The following SUZ12 variants were observed in gnomAD, a reference collection of about 807,000 sequenced individuals.
SUZ12 encodes the protein SUZ12 polycomb repressive complex 2 subunit, also known as polycomb protein SUZ12.
In SUZ12, 17 loss-of-function variants were observed where a neutral mutation model predicts 87.3. The ratio of observed to expected loss-of-function variants is 0.19; its 90% CI spans 0.13 to 0.29. SUZ12 has a LOEUF of 0.29. Among genes scored for constraint, SUZ12 ranks in the 10% least tolerant of loss-of-function variants. The pLI is 1.00. For missense variants in SUZ12, 526 were observed against 912.2 expected (o/e 0.58, Z 5.45); for synonymous variants, 253 against 312.4 (o/e 0.81, Z 2.01).
intron 4 of SUZ12, among the ~76,000 whole-genome samples, chr17:31,952,321 A>G (rs1479075063): frequency 1.3e-5 from 2 of 152,116 alleles, no homozygotes; most frequent in African/African-American, 4.8e-5. Flanking sequence ...TGGCTTCCCA[A>G]AGTTCCGGGA....
chr17:31,993,374 A>T, intron 11 of SUZ12, 41 bp downstream of exon 11: 2 of 1,315,886 alleles, frequency 1.5e-6, no homozygotes, highest in Non-Finnish European at 2.1e-6. Flanking sequence ...TATGAAATGT[A>T]TTTGTTTTTT....
intron 8 of SUZ12, among the ~76,000 whole-genome samples, chr17:31,982,128 A>C (rs1324089998): frequency 3.3e-5 from 5 of 152,240 alleles, no homozygotes; most frequent in Non-Finnish European, 7.3e-5. Context: ...TATTGTGTGA[A>C]TATATTTGAA....
chr17:31,940,175 G>A (rs560298030), intron 1 of SUZ12, 111 bp from the exon 2 acceptor site: 9 of 1,451,294 alleles, frequency 6.2e-6, no homozygotes, highest in East Asian at 2.3e-5. Flanking sequence ...TAAATAGTGC[G>A]TGATTTCCAT....
At chr17:31,946,281 C>G (rs1301319679) in intron 3 of SUZ12, among the ~76,000 whole-genome samples, 2 of 152,126 alleles carry the variant, frequency 1.3e-5, no homozygotes, top group African/African-American at 4.8e-5. Flanking sequence ...CACCTTTAAT[C>G]CTAGCACTTT....
intron 4 of SUZ12, among the ~76,000 whole-genome samples, chr17:31,953,711 ATTT>A (rs756892113): frequency 9.1e-5 from 12 of 131,730 alleles, no homozygotes; most frequent in Middle Eastern, 3.9e-3. Flanking sequence ...CCCAGCCTCA[ATTT>A]TTTTTTTTTT....
chr17:31,950,652 C>T (rs973161112), intron 4 of SUZ12, among the ~76,000 whole-genome samples: 1 of 152,026 alleles, frequency 6.6e-6, no homozygotes, highest in African/African-American at 2.4e-5. Context: ...CTACTGCACT[C>T]CAGCCTGGGC....
intron 3 of SUZ12, among the ~76,000 whole-genome samples, chr17:31,942,782 C>G (rs2142121513): frequency 6.6e-6 from 1 of 152,302 alleles, no homozygotes; most frequent in South Asian, 2.1e-4. Flanking sequence ...ACATTTAGTA[C>G]TTAACCATAC....
chr17:31,972,492 A>C (rs1908503023), intron 5 of SUZ12, among the ~76,000 whole-genome samples: 1 of 151,778 alleles, frequency 6.6e-6, no homozygotes, highest in Non-Finnish European at 1.5e-5. Flanking sequence ...AGCTCACTGC[A>C]GCCTTGAACT....
At position 31,999,249 on chromosome 17, in the gene SUZ12, A is replaced by G. The variant is rs1352599026; in HGVS notation, c.*246A>G. 3.6e-5 allele frequency: 11 copies of G among 306,616 alleles called. No homozygotes were observed. The East Asian group carries it at 4.9e-4, about 14-fold the overall frequency. The allele number at this position is 306,616 out of a possible 1,614,324, so 19.0% of individuals were successfully genotyped here. ...TTTAAGCATGAAAAGCAATATTTCA[A>G]AGTATTTTTAAACTCAACAAATGTC... On this transcript the variant is annotated 3_prime_UTR_variant, in exon 16 of 16. Transcript: ENST00000322652.
chr17:31,992,526 C>T (rs1909771990), intron 10 of SUZ12, among the ~76,000 whole-genome samples: 1 of 152,084 alleles, frequency 6.6e-6, no homozygotes, highest in South Asian at 2.1e-4. Flanking sequence ...TCTCCTGCCT[C>T]AGCCTCCCGA....
intron 4 of SUZ12, among the ~76,000 whole-genome samples, chr17:31,947,914 T>G (rs529560727): frequency 6.6e-6 from 1 of 152,298 alleles, no homozygotes; most frequent in South Asian, 2.1e-4. Context: ...TTATTATTGT[T>G]TATCTTTATT....
chr17:31,944,812 A>G (rs1906520943), intron 3 of SUZ12, among the ~76,000 whole-genome samples: 2 of 152,174 alleles, frequency 1.3e-5, no homozygotes, highest in Admixed American at 1.3e-4. Flanking sequence ...GTGCAAGATT[A>G]TATTTATTTG....
chr17:31,943,750 G>T (rs1906446198), intron 3 of SUZ12, among the ~76,000 whole-genome samples: 1 of 152,012 alleles, frequency 6.6e-6, no homozygotes, highest in Non-Finnish European at 1.5e-5. Context: ...GTCTAGGCTG[G>T]AGTGCCGTGG....
chr17:31,991,762 G>A (rs1278187334), intron 10 of SUZ12, among the ~76,000 whole-genome samples: 1 of 151,880 alleles, frequency 6.6e-6, no homozygotes, highest in African/African-American at 2.4e-5. Context: ...GTGCCACCAT[G>A]CCTGGCTAGT....
chr17:31,950,785 CTTT>C (rs935244189), intron 4 of SUZ12, among the ~76,000 whole-genome samples: 1 of 146,338 alleles, frequency 6.8e-6, no homozygotes. Context: ...CATTTATGTT[CTTT>C]TTTTTTTTTG....
intron 8 of SUZ12, among the ~76,000 whole-genome samples, chr17:31,977,234 C>T (rs1019976918): frequency 6.6e-6 from 1 of 151,040 alleles, no homozygotes; most frequent in South Asian, 2.1e-4. Flanking sequence ...TATGATCATG[C>T]CACTGTACTC....
In SUZ12 at chr17:31,988,445, G is replaced by T. The variant is rs757276084; in HGVS notation, c.1149G>T (p.Glu383Asp). ...AACCTCTTGCCACTAGAAATTCAGA[G>T]AGTCTCCATCAGGAAAACAAGCCTG... ...IAKPLATRNSESLHQENKPGS... is the reference protein window; with the variant it reads ...IAKPLATRNSDSLHQENKPGS... The change falls in exon 10 of 16, where the codon GAG (glutamate) becomes GAT (aspartate). Residue 383 changes from glutamate (E) to aspartate (D), a missense_variant. Glu to Asp is a conservative substitution (Grantham distance 45). Transcript: ENST00000322652. The T allele has an allele frequency of 6.2e-7, 1 of 1,613,454 alleles. No individual in the cohort carries two copies. The highest frequency in any genetic ancestry group is 1.1e-5 in the South Asian group (1 of 90,910).
chr17:31,984,275 A>T (rs1258574801), intron 9 of SUZ12, among the ~76,000 whole-genome samples: 1 of 152,224 alleles, frequency 6.6e-6, no homozygotes, highest in Non-Finnish European at 1.5e-5. Context: ...TTCATGATAA[A>T]GGTGGTGGTA....
In SUZ12 at chr17:31,960,500, C is replaced by T. The variant is rs534734206; in HGVS notation, c.456-5647C>T. Among the ~76,000 whole-genome samples the T allele has an allele frequency of 5.9e-5, 9 of 152,054 alleles. No homozygotes were observed. In the South Asian group the frequency reaches 1.0e-3, roughly 18 times the overall value. Reference sequence around the variant, plus strand: ...CTGGGATTACAGGCGTGAGCCACTGCGCCCAGCCAGAGTGTTTACTTTTAG... The same window carrying T: ...CTGGGATTACAGGCGTGAGCCACTGTGCCCAGCCAGAGTGTTTACTTTTAG... On this transcript the variant is annotated intron_variant, in intron 4 of 15. Coordinates refer to ENST00000322652, the MANE Select transcript of SUZ12 (RefSeq NM_015355.4).
Sources: gnomAD v4.1 joint callset for allele counts (sites outside exome capture counted in the v4.1 genomes callset) on GRCh38, gnomAD v4.1.1 for gene constraint, MANE v1.5 for transcripts, NCBI Gene and HGNC (gene_info 2026-07-23, HGNC 2026-07-21) for gene names.